The following ADAMTSL1 variants were observed in gnomAD, a reference collection of about 807,000 sequenced individuals.
The protein encoded by ADAMTSL1 is ADAMTS-like protein 1.
ADAMTSL1 carries 126 observed loss-of-function variants against 201.8 expected under a neutral mutation model. That is an observed-to-expected ratio of 0.62 (90% confidence interval 0.54 to 0.72). The LOEUF is 0.72. Ranked by LOEUF, ADAMTSL1 falls within the 30% of genes least tolerant of loss-of-function variation. ADAMTSL1 has a pLI of 0.00. For missense variants in ADAMTSL1, 2,679 were observed against 2,277.8 expected, an observed-to-expected ratio of 1.18 and a Z score of -3.59; for synonymous variants, 1,121 against 903.4, an observed-to-expected ratio of 1.24 and a Z score of -4.32.
intron 1 of ADAMTSL1, among the ~76,000 whole-genome samples, chr9:18,162,197 C>T (rs185120178): frequency 1.7e-4 from 26 of 152,090 alleles, no homozygotes; most frequent in Admixed American, 1.4e-3. Flanking sequence ...TTCCTACATG[C>T]CCCTGCCCCT....
chr9:18,054,025 C>T (rs1412603694), intron 1 of ADAMTSL1, among the ~76,000 whole-genome samples: 1 of 151,716 alleles, frequency 6.6e-6, no homozygotes, highest in Non-Finnish European at 1.5e-5. Context: ...GTAGCCTGTG[C>T]AGTTCTGGTT....
At chr9:18,041,700 T>C (rs1821431782) in intron 1 of ADAMTSL1, among the ~76,000 whole-genome samples, 1 of 152,172 alleles carries the variant, frequency 6.6e-6, no homozygotes, top group Non-Finnish European at 1.5e-5. Flanking sequence ...ACTGATAATC[T>C]ACCAGTTTTG....
At chr9:18,507,550 C>G (rs1405008920) in intron 2 of ADAMTSL1, among the ~76,000 whole-genome samples, 1 of 152,158 alleles carries the variant, frequency 6.6e-6, no homozygotes, top group Non-Finnish European at 1.5e-5. Context: ...CTTCAATTCA[C>G]CAACCCAATA....
intron 14 of ADAMTSL1, among the ~76,000 whole-genome samples, chr9:18,712,705 T>C (rs1832688764): frequency 6.6e-6 from 1 of 151,696 alleles, no homozygotes; most frequent in African/African-American, 2.4e-5. Context: ...ACTTCCCCAA[T>C]TTAGCAAGGC....
intron 16 of ADAMTSL1, 70 bp from the exon 17 acceptor site, chr9:18,770,532 A>G: frequency 7.0e-7 from 1 of 1,424,044 alleles, no homozygotes; most frequent in Non-Finnish European, 9.4e-7. Context: ...AAATTAAGAT[A>G]AGAATTAGCA....
intron 1 of ADAMTSL1, among the ~76,000 whole-genome samples, chr9:18,125,642 G>C (rs1222728605): frequency 6.6e-6 from 1 of 152,056 alleles, no homozygotes; most frequent in Non-Finnish European, 1.5e-5. Flanking sequence ...TTTGCATGTG[G>C]ACCTCTAGTT....
intron 7 of ADAMTSL1, among the ~76,000 whole-genome samples, chr9:18,655,007 G>T (rs1046003499): frequency 2.6e-5 from 4 of 152,232 alleles, no homozygotes; most frequent in Non-Finnish European, 4.4e-5. Flanking sequence ...AGCCAGGCTG[G>T]GGGGACCCCT....
intron 1 of ADAMTSL1, among the ~76,000 whole-genome samples, chr9:17,952,638 G>C (rs1827771369): frequency 6.6e-6 from 1 of 151,982 alleles, no homozygotes; most frequent in African/African-American, 2.4e-5. Context: ...TGTTGCCCAG[G>C]CTGGAGTGGA....
intron 15 of ADAMTSL1, among the ~76,000 whole-genome samples, chr9:18,736,897 C>T (rs978903502): frequency 4.6e-5 from 7 of 152,146 alleles, no homozygotes; most frequent in African/African-American, 1.7e-4. Flanking sequence ...TTGCTACTTA[C>T]CACATTTTGG....
intron 4 of ADAMTSL1, among the ~76,000 whole-genome samples, chr9:18,593,324 C>T (rs144383846): frequency 3.1e-4 from 47 of 152,124 alleles, no homozygotes; most frequent in African/African-American, 1.1e-3. Context: ...AGTTTTTCCC[C>T]ATTCAATTTT....
intron 1 of ADAMTSL1, among the ~76,000 whole-genome samples, chr9:17,988,691 C>T (rs1343776203): frequency 1.3e-5 from 2 of 151,888 alleles, no homozygotes; most frequent in East Asian, 1.9e-4. Flanking sequence ...TTAACTTCTC[C>T]TCTGCTGATG....
chr9:18,196,708 G>A (rs1236513693), intron 2 of ADAMTSL1, among the ~76,000 whole-genome samples: 9 of 151,964 alleles, frequency 5.9e-5, no homozygotes, highest in South Asian at 2.1e-4. Flanking sequence ...ATCTGATTCC[G>A]TGAATCTCTC....
intron 1 of ADAMTSL1, among the ~76,000 whole-genome samples, chr9:17,952,583 C>A (rs985620705): frequency 6.6e-6 from 1 of 151,958 alleles, no homozygotes; most frequent in African/African-American, 2.4e-5. Flanking sequence ...CTAGATACTA[C>A]CATGTTTTTA....
At chr9:18,380,401 A>T (rs775633686) in intron 2 of ADAMTSL1, among the ~76,000 whole-genome samples, 1 of 152,238 alleles carries the variant, frequency 6.6e-6, no homozygotes, top group African/African-American at 2.4e-5. Context: ...GAAATAAAAC[A>T]TATTAAGGAA....
At chr9:18,811,213 C>A (rs930763167) in intron 20 of ADAMTSL1, among the ~76,000 whole-genome samples, 2 of 152,102 alleles carry the variant, frequency 1.3e-5, no homozygotes, top group African/African-American at 4.8e-5. Flanking sequence ...TCCCCACCAG[C>A]CAGCCTCAAA....
Position 18,826,367 on chromosome 9 carries a change from C to T in ADAMTSL1, c.4018C>T (p.Leu1340Phe), listed in dbSNP as rs1240828500. 6.2e-7 allele frequency: 1 copy of T among 1,613,562 alleles called. No homozygotes were observed. Among genetic ancestry groups the T allele is most frequent in the Non-Finnish European group, 8.5e-7 (1 of 1,179,820 alleles). The change falls in exon 22 of 29, where the codon CTC (leucine) becomes TTC (phenylalanine). Residue 1340 changes from leucine (L) to phenylalanine (F), a missense_variant. Physicochemically the swap from Leu to Phe is conservative, Grantham distance 22 (BLOSUM62 0). Coordinates refer to ENST00000380548, the MANE Select transcript of ADAMTSL1 (RefSeq NM_001040272.6). ...CCATCTGCACGAAGGCTCCTTGCTG[C>T]TCACAAACGTGTCCTCCTCGGATCA... ...PHHLHEGSLL[L>F]TNVSSSDQGL...
In ADAMTSL1 at chr9:18,169,841, A is replaced by G. The variant is rs535929622; in HGVS notation, c.207+5860A>G. ...AGTTCTCTTAACTAGTTTTATGCAA[A>G]GGAGAATAGTGCATTGATTTTGGAA... On this transcript the variant is annotated intron_variant, in intron 2 of 29. Transcript: ENST00000680146. Among the ~76,000 whole-genome samples, 3 of 152,146 alleles carry G rather than the reference A, an allele frequency of 2.0e-5. No homozygotes were observed. The South Asian group carries it at 6.2e-4, about 32-fold the overall frequency.
chr9:18,328,924 C>T (rs1650128666), intron 2 of ADAMTSL1, among the ~76,000 whole-genome samples: 1 of 152,154 alleles, frequency 6.6e-6, no homozygotes, highest in Admixed American at 6.5e-5. Context: ...TCTGTAGCCA[C>T]AGTTTACATT....
At position 17,950,519 on chromosome 9, in the gene ADAMTSL1, A is replaced by G. The variant is rs184763189; in HGVS notation, c.87+43597A>G. Among the ~76,000 whole-genome samples, 319 of 151,060 alleles carry G rather than the reference A, an allele frequency of 2.1e-3. 1 individual carries two copies. The highest frequency in any genetic ancestry group is 7.3e-3 in the African/African-American group (304 of 41,372). On this transcript the variant is annotated intron_variant, in intron 1 of 29. Coordinates refer to the ADAMTSL1 transcript ENST00000680146. ...TGTGTATGATTGTATATATTTTTAA[A>G]TTTTAAATATTTAAATTTTATATAT...
Sources: allele counts gnomAD v4.1 joint callset (sites outside exome capture counted in the v4.1 genomes callset), GRCh38; gene constraint gnomAD v4.1.1; transcripts MANE v1.5; gene names NCBI Gene and HGNC (gene_info 2026-07-23, HGNC 2026-07-21).